ATL2: variants seen among roughly 807,000 people sequenced by gnomAD.
ATL2 encodes the protein atlastin GTPase 2.
A neutral mutation model predicts 73.9 loss-of-function variants in ATL2; 31 were observed. The observed-to-expected ratio is 0.42, with a 90% confidence interval of 0.32 to 0.57. The LOEUF (loss-of-function observed/expected upper bound fraction) is 0.57. Among genes scored for constraint, ATL2 ranks in the 20% least tolerant of loss-of-function variants. ATL2 has a pLI of 0.14. For synonymous variants in ATL2, 291 were observed against 237.5 expected (o/e 1.23, Z -2.07); for missense variants, 738 against 702.6 (o/e 1.05, Z -0.57).
At chr2:38,300,467 A>G in intron 9 of ATL2, 139 bp from the exon 10 acceptor site, 1 of 572,186 alleles carries the variant, frequency 1.7e-6, no homozygotes, top group Non-Finnish European at 3.1e-6. Context: ...ACCTTATTCC[A>G]ACAAAGTTAA....
intron 1 of ATL2, among the ~76,000 whole-genome samples, chr2:38,345,282 C>A (rs549600497): frequency 4.6e-5 from 7 of 152,266 alleles, no homozygotes; most frequent in South Asian, 2.1e-4. Context: ...TCCACTAAGG[C>A]GTGGTACATT....
At chr2:38,296,359 T>C in intron 12 of ATL2, 18 of 1,486,402 alleles carry the variant, frequency 1.2e-5, no homozygotes, top group Non-Finnish European at 1.6e-5. Context: ...TTCCATACCC[T>C]ATATGCAGCA....
chr2:38,329,604 T>G (rs1668868397), intron 2 of ATL2, among the ~76,000 whole-genome samples: 1 of 151,916 alleles, frequency 6.6e-6, no homozygotes, highest in South Asian at 2.1e-4. Context: ...TAATTCAAAG[T>G]ATTACCCTAA....
intron 1 of ATL2, among the ~76,000 whole-genome samples, chr2:38,355,449 A>C (rs908644341): frequency 1.3e-5 from 2 of 152,144 alleles, no homozygotes; most frequent in Non-Finnish European, 1.5e-5. Flanking sequence ...TTTAATAAAA[A>C]GACAGAGCTT....
At chr2:38,377,069 C>CG (rs1274765778) in intron 1 of ATL2, 74 bp downstream of exon 1, 12 of 1,426,602 alleles carry the variant, frequency 8.4e-6, no homozygotes, top group South Asian at 2.5e-5. Flanking sequence ...CGCCTGCGGC[C>CG]GGTGCCCGCG....
At chr2:38,335,414 T>C (rs1241935483) in intron 2 of ATL2, among the ~76,000 whole-genome samples, 2 of 152,162 alleles carry the variant, frequency 1.3e-5, no homozygotes, top group African/African-American at 2.4e-5. Context: ...AAAAATAACA[T>C]ACAACATATT....
At chr2:38,303,903 G>C (rs1011028800) in intron 9 of ATL2, among the ~76,000 whole-genome samples, 1 of 152,112 alleles carries the variant, frequency 6.6e-6, no homozygotes, top group Non-Finnish European at 1.5e-5. Flanking sequence ...AGGTCAAGGT[G>C]GGGGAACTGC....
Position 38,314,591 on chromosome 2 carries a change from T to C in ATL2, c.711+17A>G, listed in dbSNP as rs941057356. 1.3e-6 allele frequency: 2 copies of C among 1,577,186 alleles called. No homozygotes were observed. The highest frequency in any genetic ancestry group is 8.7e-7 in the Non-Finnish European group (1 of 1,147,772). The stretch of plus-strand genomic sequence containing the variant: ...TCTCATAGGCTAATCTTTAAAATGT[T>C]AGAATAACTTTTTTACCTGAAATGG... On this transcript the variant is annotated intron_variant, in intron 6 of 12. Transcript: ENST00000378954.
upstream of ATL2, chr2:38,377,360 C>T (rs1672051182): frequency 5.0e-6 from 5 of 1,009,972 alleles, no homozygotes; most frequent in Non-Finnish European, 5.7e-6. Context: ...GTCCTAGCGC[C>T]GCTCTCCGCC....
chr2:38,314,668 T>C lies in ATL2; in HGVS notation c.655-4A>G. The C allele has an allele frequency of 6.4e-7, 1 of 1,565,028 alleles. No individual in the cohort carries two copies. Among genetic ancestry groups the C allele is most frequent in the Non-Finnish European group, 8.8e-7 (1 of 1,138,324 alleles). ...GTCTTCCATACTCTGTAAATAACTA[T>C]TAAATAGAGTTAGTTAAAATAATGC... On this transcript the variant is annotated splice_polypyrimidine_tract_variant and splice_region_variant and intron_variant, in intron 5 of 12. Transcript: ENST00000378954.
At chr2:38,362,922 G>A (rs1239876834) in intron 1 of ATL2, among the ~76,000 whole-genome samples, 1 of 152,118 alleles carries the variant, frequency 6.6e-6, no homozygotes, top group Non-Finnish European at 1.5e-5. Flanking sequence ...TGAAAGACAT[G>A]GACATCTGGA....
chr2:38,320,605 G>T (rs1233497770), intron 2 of ATL2, among the ~76,000 whole-genome samples: 1 of 152,076 alleles, frequency 6.6e-6, no homozygotes, highest in African/African-American at 2.4e-5. Context: ...CATAATAAAT[G>T]AATACCTTTG....
chr2:38,319,736 T>A (rs1041586995), intron 2 of ATL2, among the ~76,000 whole-genome samples: 2 of 152,198 alleles, frequency 1.3e-5, no homozygotes, highest in Non-Finnish European at 2.9e-5. Context: ...CCAGGTAGAA[T>A]GACTGTCAAA....
chr2:38,365,039 G>A (rs1387327543), intron 1 of ATL2, among the ~76,000 whole-genome samples: 1 of 139,716 alleles, frequency 7.2e-6, no homozygotes, highest in East Asian at 2.0e-4. Context: ...GCGAGACTCC[G>A]TCTCAAAAAA....
Position 38,310,319 on chromosome 2 carries a change from C to G in ATL2, c.933G>C (p.Gly311=), listed in dbSNP as rs760794817. The G allele has an allele frequency of 3.7e-6, 6 of 1,610,804 alleles. No homozygotes were observed. Among genetic ancestry groups the G allele is most frequent in the South Asian group, 1.1e-5 (1 of 90,084 alleles). The change falls in exon 8 of 13, where the codon GGG becomes GGC. Residue 311 remains glycine, a synonymous_variant. Transcript: ENST00000378954. ...LKVATNPSFD[G]RLKDIDEDFK... ...AATGGGAATTCCCACCTTTCAATCT[C>G]CCATCAAAACTAGGATTAGTTGCAA...
upstream of ATL2, among the ~76,000 whole-genome samples, chr2:38,378,452 T>C (rs1282030107): frequency 2.6e-5 from 4 of 152,194 alleles, no homozygotes. Context: ...TTGGCCAGGC[T>C]GGTCTTGAGC....
intron 1 of ATL2, among the ~76,000 whole-genome samples, chr2:38,363,522 T>C (rs1314825310): frequency 6.6e-6 from 1 of 152,224 alleles, no homozygotes; most frequent in Non-Finnish European, 1.5e-5. Context: ...ATAAACTTTC[T>C]AGAAGGGCAA....
At chr2:38,350,161 G>C (rs2124432941) in intron 1 of ATL2, among the ~76,000 whole-genome samples, 1 of 152,300 alleles carries the variant, frequency 6.6e-6, no homozygotes, top group African/African-American at 2.4e-5. Context: ...GTATAGAATA[G>C]TGATTTTATT....
chr2:38,327,867 C>T (rs983624615), intron 2 of ATL2, among the ~76,000 whole-genome samples: 12 of 152,094 alleles, frequency 7.9e-5, no homozygotes, highest in African/African-American at 2.9e-4. Flanking sequence ...ATCAGAGAGG[C>T]GGAGGTTGCA....
Sources: gnomAD v4.1 joint callset for allele counts (sites outside exome capture counted in the v4.1 genomes callset) on GRCh38, gnomAD v4.1.1 for gene constraint, MANE v1.5 for transcripts, NCBI Gene and HGNC (gene_info 2026-07-23, HGNC 2026-07-21) for gene names.